EPS15: variants seen among roughly 807,000 people sequenced by gnomAD.
EPS15 encodes the protein epidermal growth factor receptor substrate 15.
In EPS15, 72 loss-of-function variants were observed where a neutral mutation model predicts 113.8. The ratio of observed to expected loss-of-function variants is 0.63; its 90% CI spans 0.52 to 0.77. The LOEUF is 0.77. EPS15 is among the 30% of genes least tolerant of loss of function. The pLI, the probability that EPS15 is intolerant of heterozygous loss-of-function variation, is 0.00. For synonymous variants in EPS15, 344 were observed against 363.4 expected, an observed-to-expected ratio of 0.95 and a Z score of 0.61; for missense variants, 1,048 against 1,045.8, an observed-to-expected ratio of 1.00 and a Z score of -0.03.
At chr1:51,360,127 A>G (rs892665902) in intron 24 of EPS15, among the ~76,000 whole-genome samples, 7 of 152,168 alleles carry the variant, frequency 4.6e-5, no homozygotes, top group African/African-American at 1.7e-4. Flanking sequence ...AACTAGAAAC[A>G]GCTGCAGGAA....
At chr1:51,478,862 G>A (rs533519850) in intron 2 of EPS15, among the ~76,000 whole-genome samples, 99 of 152,286 alleles carry the variant, frequency 6.5e-4, no homozygotes, top group African/African-American at 2.1e-3. Flanking sequence ...TGGGTAACGC[G>A]ACCTTTCTCT....
At chr1:51,485,607 G>C (rs1190348126) in intron 1 of EPS15, among the ~76,000 whole-genome samples, 1 of 152,014 alleles carries the variant, frequency 6.6e-6, no homozygotes, top group Non-Finnish European at 1.5e-5. Flanking sequence ...AATGAATAAA[G>C]CTCCAGAAAA....
At chr1:51,488,620 T>A (rs2148533210) in intron 1 of EPS15, among the ~76,000 whole-genome samples, 2 of 152,224 alleles carry the variant, frequency 1.3e-5, no homozygotes, top group Middle Eastern at 3.4e-3. Context: ...TGAGACAGGA[T>A]CCCACTCAGT....
At chr1:51,435,953 G>A (rs1264552294) in intron 12 of EPS15, among the ~76,000 whole-genome samples, 1 of 152,202 alleles carries the variant, frequency 6.6e-6, no homozygotes, top group East Asian at 1.9e-4. Flanking sequence ...AAGGCGAACA[G>A]TAGGATCAGA....
intron 5 of EPS15, among the ~76,000 whole-genome samples, chr1:51,468,010 G>C (rs1466508134): frequency 1.3e-5 from 2 of 152,056 alleles, no homozygotes; most frequent in African/African-American, 2.4e-5. Context: ...CCAAGCTGGA[G>C]AGCAACGGTG....
intron 21 of EPS15, among the ~76,000 whole-genome samples, chr1:51,371,307 G>T (rs1646644066): frequency 6.6e-6 from 1 of 152,156 alleles, no homozygotes; most frequent in African/African-American, 2.4e-5. Flanking sequence ...TATACCAGAA[G>T]AAGGCATTGT....
At chr1:51,370,292 G>A (rs1171361385) in intron 21 of EPS15, among the ~76,000 whole-genome samples, 1 of 152,198 alleles carries the variant, frequency 6.6e-6, no homozygotes, top group African/African-American at 2.4e-5. Context: ...AGTACACAAT[G>A]CAGGCTGAGT....
Position 51,465,300 on chromosome 1 carries a change from G to T in EPS15, c.336C>A (p.Ile112=). 6.2e-7 allele frequency: 1 copy of T among 1,611,172 alleles called. No individual in the cohort carries two copies. Among genetic ancestry groups the T allele is most frequent in the Non-Finnish European group, 8.5e-7 (1 of 1,177,974 alleles). ...GGAGCTCAGCTGCAGAGGTTCCACT[G>T]ATTAGCAAAGGACTACTGGTATCAT... is the stretch of plus-strand genomic sequence containing the variant. ...RFHDTSSPLL[I]SGTSAAELPW... Residue 112 remains isoleucine, a synonymous_variant, in exon 6 of 25, where the codon ATC becomes ATA. Transcript: ENST00000371733.
chr1:51,499,477 T>C (rs1219592916), intron 1 of EPS15, among the ~76,000 whole-genome samples: 1 of 152,186 alleles, frequency 6.6e-6, no homozygotes, highest in African/African-American at 2.4e-5. Context: ...TCAATTCTTC[T>C]GAGTAGACAG....
chr1:51,488,447 A>G (rs1451959751), intron 1 of EPS15, among the ~76,000 whole-genome samples: 1 of 146,760 alleles, frequency 6.8e-6, no homozygotes, highest in Non-Finnish European at 1.5e-5. Context: ...TAAACAAGAG[A>G]TGCTAGAAAG....
In EPS15 at chr1:51,408,212, C is replaced by T. The variant is rs1248748168; in HGVS notation, c.1396G>A (p.Glu466Lys). Residue 466 changes from glutamate (E) to lysine (K), a missense_variant, in exon 15 of 25, where the codon GAG (glutamate) becomes AAG (lysine). Transcript: ENST00000371733. ...RLQQETAELE[E>K]SVESGKAQLE... Reference sequence around the variant, plus strand: ...TGAGCCTTCCCTGACTCTACACTCTCCTCCAATTCTGCTGTTTCTTGCTGT... The same window carrying T: ...TGAGCCTTCCCTGACTCTACACTCTTCTCCAATTCTGCTGTTTCTTGCTGT... 6.2e-7 allele frequency: 1 copy of T among 1,614,002 alleles called. No homozygotes were observed. Among genetic ancestry groups the T allele is most frequent in the African/African-American group, 1.3e-5 (1 of 74,934 alleles).
chr1:51,484,113 A>T (rs1341476722), intron 1 of EPS15, among the ~76,000 whole-genome samples: 1 of 152,006 alleles, frequency 6.6e-6, no homozygotes, highest in Non-Finnish European at 1.5e-5. Flanking sequence ...CCTGTCTCTC[A>T]AAAAAAAGTC....
intron 21 of EPS15, among the ~76,000 whole-genome samples, chr1:51,381,321 G>A (rs751015740): frequency 2.0e-5 from 3 of 152,090 alleles, no homozygotes; most frequent in Non-Finnish European, 4.4e-5. Flanking sequence ...AGCCAGGTGC[G>A]GTGGCTCATG....
chr1:51,446,959 C>A lies in EPS15; in HGVS notation c.797+1G>T. Reference sequence around the variant, plus strand: ...AAAAATCAATTCAAATAAAGTCTTACCATATATGGGCTAGTAAGGTAGAAG... The same window carrying A: ...AAAAATCAATTCAAATAAAGTCTTAACATATATGGGCTAGTAAGGTAGAAG... On this transcript the variant is annotated splice_donor_variant, in intron 10 of 24. Coordinates refer to ENST00000371733, the MANE Select transcript of EPS15 (RefSeq NM_001981.3). LOFTEE classifies it high-confidence loss of function. 1 of 1,595,692 alleles carries A rather than the reference C, an allele frequency of 6.3e-7. No individual in the cohort carries two copies. The highest frequency in any genetic ancestry group is 8.5e-7 in the Non-Finnish European group (1 of 1,172,968).
intron 23 of EPS15, among the ~76,000 whole-genome samples, chr1:51,362,519 T>A (rs1419785498): frequency 6.6e-6 from 1 of 152,248 alleles, no homozygotes; most frequent in African/African-American, 2.4e-5. Flanking sequence ...TCATGCAAGT[T>A]GTAAAAACTT....
intron 13 of EPS15, among the ~76,000 whole-genome samples, chr1:51,419,285 A>T (rs1650524459): frequency 6.6e-6 from 1 of 152,158 alleles, no homozygotes; most frequent in Non-Finnish European, 1.5e-5. Context: ...AAAATCCTAA[A>T]CAGAAAGTTT....
chr1:51,451,243 C>G (rs1476083369), intron 8 of EPS15, among the ~76,000 whole-genome samples: 1 of 151,550 alleles, frequency 6.6e-6, no homozygotes, highest in Non-Finnish European at 1.5e-5. Context: ...AATCCTAGCA[C>G]TTTGGGAGGC....
At chr1:51,370,751 G>C (rs1393321625) in intron 21 of EPS15, among the ~76,000 whole-genome samples, 1 of 151,478 alleles carries the variant, frequency 6.6e-6, no homozygotes, top group African/African-American at 2.4e-5. Context: ...CTCCTGAGTA[G>C]CTAAGATTAT....
chr1:51,383,916 T>C (rs567606693), intron 21 of EPS15, among the ~76,000 whole-genome samples: 2 of 152,228 alleles, frequency 1.3e-5, no homozygotes, highest in South Asian at 4.1e-4. Flanking sequence ...AATCAACATA[T>C]GAAAATCAGT....
Sources: gnomAD v4.1 joint callset for allele counts (sites outside exome capture counted in the v4.1 genomes callset) on GRCh38, gnomAD v4.1.1 for gene constraint, MANE v1.5 for transcripts, NCBI Gene and HGNC (gene_info 2026-07-23, HGNC 2026-07-21) for gene names.